MAST2: variants seen among roughly 807,000 people sequenced by gnomAD.
MAST2 encodes microtubule associated serine/threonine kinase 2, also known as microtubule-associated serine/threonine-protein kinase 2.
A neutral mutation model predicts 147.4 loss-of-function variants in MAST2; 70 were observed. The ratio of observed to expected loss-of-function variants is 0.47; its 90% CI spans 0.39 to 0.58. The LOEUF (loss-of-function observed/expected upper bound fraction) is 0.58. Among genes scored for constraint, MAST2 ranks in the 20% least tolerant of loss-of-function variants. MAST2 has a pLI of 0.00. For synonymous variants in MAST2, 869 were observed against 896.8 expected, an observed-to-expected ratio of 0.97 and a Z score of 0.55; for missense variants, 2,080 against 2,302.3, an observed-to-expected ratio of 0.90 and a Z score of 1.98.
chr1:45,829,714 G>A, intron 3 of MAST2, 133 bp downstream of exon 3: 2 of 970,572 alleles, frequency 2.1e-6, no homozygotes, highest in Non-Finnish European at 3.0e-6. Context: ...GGAAGAGAAT[G>A]AATTTATTAT....
chr1:45,886,604 C>T (rs1029734581), intron 4 of MAST2, among the ~76,000 whole-genome samples: 7 of 152,184 alleles, frequency 4.6e-5, no homozygotes, highest in Admixed American at 1.3e-4. Flanking sequence ...TTTAGAATAT[C>T]AGACCTAAGG....
chr1:45,951,504 G>T (rs568541831), intron 4 of MAST2, among the ~76,000 whole-genome samples: 4 of 152,184 alleles, frequency 2.6e-5, no homozygotes, highest in African/African-American at 9.6e-5. Context: ...GATCACCTGA[G>T]CCCAGGAAAT....
At chr1:45,893,277 G>A (rs1054663685) in intron 4 of MAST2, among the ~76,000 whole-genome samples, 1 of 152,048 alleles carries the variant, frequency 6.6e-6, no homozygotes, top group Non-Finnish European at 1.5e-5. Context: ...CATAGCTCAC[G>A]GCAGCCTCAA....
intron 5 of MAST2, among the ~76,000 whole-genome samples, chr1:45,981,177 T>C (rs1221717455): frequency 2.0e-5 from 3 of 152,078 alleles, no homozygotes; most frequent in Non-Finnish European, 2.9e-5. Flanking sequence ...GTTCAAATGA[T>C]TCTCCCACCT....
At chr1:45,931,969 G>A (rs771869996) in intron 4 of MAST2, among the ~76,000 whole-genome samples, 1 of 152,204 alleles carries the variant, frequency 6.6e-6, no homozygotes, top group Non-Finnish European at 1.5e-5. Flanking sequence ...GGGATTACAG[G>A]CGTGAGCTAC....
rs1174123217 is a variant in MAST2 at position 45,939,980 on chromosome 1, G to GTTTTTTTTTTTTT, written c.501-19397_501-19385dup. On this transcript the variant is annotated intron_variant, in intron 4 of 28. Transcript: ENST00000361297. ...AACGGAAGTTCTCTATTTATTTAGG[G>GTTTTTTTTTTTTT]TTTTTTTTTTTTTTTTTTTTTGAGA... Among the ~76,000 whole-genome samples, 134 of 97,272 alleles carry GTTTTTTTTTTTTT rather than the reference G, an allele frequency of 1.4e-3. 5 individuals are homozygous for GTTTTTTTTTTTTT. Among genetic ancestry groups the GTTTTTTTTTTTTT allele is most frequent in the Non-Finnish European group, 1.8e-3 (94 of 50,998 alleles). 63.8% of individuals were successfully genotyped at this position (97,272 alleles called of 152,430 possible).
chr1:46,004,082 G>A (rs572299135), intron 7 of MAST2, among the ~76,000 whole-genome samples: 2 of 152,042 alleles, frequency 1.3e-5, no homozygotes, highest in South Asian at 4.2e-4. Flanking sequence ...TCCCCTTCCC[G>A]GGCCAGGCGC....
chr1:45,996,095 C>T (rs1028150644), intron 5 of MAST2, among the ~76,000 whole-genome samples: 1 of 151,088 alleles, frequency 6.6e-6, no homozygotes, highest in African/African-American at 2.4e-5. Flanking sequence ...GCTTTTTTTT[C>T]CCCTCTCGGT....
At chr1:45,949,498 A>G (rs60997881) in intron 4 of MAST2, among the ~76,000 whole-genome samples, 6,901 of 152,312 alleles carry the variant, frequency 0.045, 506 homozygotes, top group African/African-American at 0.15. Flanking sequence ...AGAGAACTGC[A>G]AATCAAAACC....
chr1:45,906,124 G>GA (rs1178838276), intron 4 of MAST2, among the ~76,000 whole-genome samples: 3 of 151,658 alleles, frequency 2.0e-5, no homozygotes, highest in Non-Finnish European at 2.9e-5. Context: ...TGCTTATTTT[G>GA]AAAAAAAGAA....
intron 3 of MAST2, among the ~76,000 whole-genome samples, chr1:45,846,693 C>T (rs1489744788): frequency 2.6e-5 from 4 of 151,796 alleles, no homozygotes; most frequent in Non-Finnish European, 5.9e-5. Flanking sequence ...GGCGTGGTGG[C>T]GGGTACCTGT....
chr1:45,840,961 A>G (rs911501761), intron 3 of MAST2, among the ~76,000 whole-genome samples: 3 of 152,036 alleles, frequency 2.0e-5, no homozygotes. Context: ...ATTAATCTCT[A>G]TTTTTTTGAG....
intron 4 of MAST2, among the ~76,000 whole-genome samples, chr1:45,948,285 G>A (rs1159176384): frequency 2.0e-5 from 3 of 152,208 alleles, no homozygotes; most frequent in African/African-American, 7.2e-5. Context: ...AACATACCAT[G>A]CTCATGGATA....
At chr1:45,951,213 C>A (rs1203217067) in intron 4 of MAST2, among the ~76,000 whole-genome samples, 1 of 151,914 alleles carries the variant, frequency 6.6e-6, no homozygotes, top group Non-Finnish European at 1.5e-5. Context: ...AGAGTGAGAA[C>A]CTGTCTCAAA....
intron 1 of MAST2, among the ~76,000 whole-genome samples, chr1:45,806,506 C>T (rs886255958): frequency 6.6e-6 from 1 of 152,072 alleles, no homozygotes; most frequent in African/African-American, 2.4e-5. Flanking sequence ...CTCAAGTGAT[C>T]CTCCTGCCTC....
At chr1:46,014,172 TC>T (rs1319742366) in intron 10 of MAST2, among the ~76,000 whole-genome samples, 2 of 149,256 alleles carry the variant, frequency 1.3e-5, no homozygotes, top group East Asian at 3.9e-4. Flanking sequence ...TATGTATTTT[TC>T]TTTTTTTTAT....
intron 5 of MAST2, among the ~76,000 whole-genome samples, chr1:45,974,846 A>G (rs575637724): frequency 5.9e-5 from 9 of 152,352 alleles, no homozygotes; most frequent in African/African-American, 2.2e-4. Context: ...GTGTGAAGAT[A>G]CTGAAATTAC....
chr1:45,911,404 T>C (rs1313179544), intron 4 of MAST2, among the ~76,000 whole-genome samples: 1 of 152,208 alleles, frequency 6.6e-6, no homozygotes, highest in Non-Finnish European at 1.5e-5. Flanking sequence ...TTCTCTCTCC[T>C]CCACCCAAGG....
At chr1:45,871,419 C>T (rs866167256) in intron 3 of MAST2, among the ~76,000 whole-genome samples, 1 of 152,104 alleles carries the variant, frequency 6.6e-6, no homozygotes, top group Admixed American at 6.5e-5. Context: ...TAAAAAACAA[C>T]AACAAAACCA....
Sources: gnomAD v4.1 joint callset for allele counts (sites outside exome capture counted in the v4.1 genomes callset) on GRCh38, gnomAD v4.1.1 for gene constraint, MANE v1.5 for transcripts, NCBI Gene and HGNC (gene_info 2026-07-23, HGNC 2026-07-21) for gene names.